Variants in RAD51B observed in about 807,000 individuals in gnomAD.
RAD51B encodes the protein DNA repair protein RAD51 homolog 2.
RAD51B carries 38 observed loss-of-function variants against 42.2 expected under a neutral mutation model. The observed-to-expected ratio is 0.90, with a 90% CI of 0.70 to 1.18. The LOEUF is 1.18. Ranked by LOEUF, RAD51B falls within the 50% of genes most tolerant of loss-of-function variation. The pLI is 0.00. For missense variants in RAD51B, 373 were observed against 400.7 expected, an observed-to-expected ratio of 0.93 and a Z score of 0.59; for synonymous variants, 154 against 145.2, an observed-to-expected ratio of 1.06 and a Z score of -0.43.
chr14:68,637,260 G>A (rs1892359866), intron 10 of RAD51B, among the ~76,000 whole-genome samples: 1 of 152,092 alleles, frequency 6.6e-6, no homozygotes, highest in Non-Finnish European at 1.5e-5. Context: ...TTAATTTTGT[G>A]TAGAGATGGG....
chr14:67,916,305 C>A (rs557448662), intron 7 of RAD51B, among the ~76,000 whole-genome samples: 1 of 151,664 alleles, frequency 6.6e-6, no homozygotes, highest in Non-Finnish European at 1.5e-5. Context: ...TTTTTTGAGA[C>A]TGGTCTCACT....
chr14:67,971,398 A>C (rs1275394143), intron 7 of RAD51B, among the ~76,000 whole-genome samples: 2 of 152,074 alleles, frequency 1.3e-5, no homozygotes, highest in Non-Finnish European at 2.9e-5. Flanking sequence ...ATTCCTCTTA[A>C]ACTTTATAAT....
intron 10 of RAD51B, among the ~76,000 whole-genome samples, chr14:68,582,868 C>A (rs1890273448): frequency 6.6e-6 from 1 of 152,156 alleles, no homozygotes; most frequent in East Asian, 1.9e-4. Context: ...ATGGATGAAG[C>A]TGGAAACCAT....
chr14:68,291,267 C>T (rs796772078), intron 7 of RAD51B, among the ~76,000 whole-genome samples: 11 of 152,006 alleles, frequency 7.2e-5, no homozygotes, highest in African/African-American at 2.7e-4. Context: ...GGTGCAATCT[C>T]GGCTCACCAC....
chr14:67,856,690 A>G (rs2042007894), intron 4 of RAD51B, among the ~76,000 whole-genome samples: 1 of 152,180 alleles, frequency 6.6e-6, no homozygotes, highest in Non-Finnish European at 1.5e-5. Flanking sequence ...ACCAGATTTT[A>G]CATTCCTCTC....
chr14:68,071,890 G>A (rs187030656), intron 7 of RAD51B, among the ~76,000 whole-genome samples: 15 of 150,910 alleles, frequency 9.9e-5, no homozygotes, highest in Non-Finnish European at 2.9e-5. Flanking sequence ...CTGGTCCAGG[G>A]CTTTTTCTGG....
chr14:68,415,805 C>G (rs1184737310), intron 9 of RAD51B, among the ~76,000 whole-genome samples: 1 of 152,198 alleles, frequency 6.6e-6, no homozygotes, highest in Non-Finnish European at 1.5e-5. Context: ...AATTTCTCCT[C>G]AAATCCTCAT....
chr14:68,029,221 G>T (rs1420053671), intron 7 of RAD51B, among the ~76,000 whole-genome samples: 1 of 152,016 alleles, frequency 6.6e-6, no homozygotes, highest in Non-Finnish European at 1.5e-5. Flanking sequence ...AAATTGTGTT[G>T]GTTTACTTGA....
At chr14:68,022,845 C>T (rs956410877) in intron 7 of RAD51B, among the ~76,000 whole-genome samples, 14 of 152,070 alleles carry the variant, frequency 9.2e-5, no homozygotes, top group African/African-American at 2.2e-4. Context: ...CTATTTTCTT[C>T]GTTATGTCCT....
intron 10 of RAD51B, chr14:68,541,686 G>A (rs962910385): frequency 2.5e-5 from 25 of 985,316 alleles, no homozygotes; most frequent in Non-Finnish European, 2.9e-5. Context: ...GCCTGAAGAA[G>A]CCATTCATTT....
chr14:68,358,450 G>C (rs954169014), intron 8 of RAD51B, among the ~76,000 whole-genome samples: 1 of 152,210 alleles, frequency 6.6e-6, no homozygotes, highest in East Asian at 1.9e-4. Flanking sequence ...AAAACTACCT[G>C]TCAGGAATGT....
chr14:67,848,271 C>A (rs2041687955), intron 4 of RAD51B, among the ~76,000 whole-genome samples: 1 of 152,228 alleles, frequency 6.6e-6, no homozygotes, highest in Non-Finnish European at 1.5e-5. Context: ...CCTGCTTTGG[C>A]CTCCCAAAGT....
At chr14:68,384,830 AG>A (rs1315413384) in intron 8 of RAD51B, among the ~76,000 whole-genome samples, 5 of 152,208 alleles carry the variant, frequency 3.3e-5, no homozygotes, top group Non-Finnish European at 7.3e-5. Flanking sequence ...CCAGAACCAG[AG>A]GTATCTCACC....
At chr14:68,553,843 T>C (rs775927568) in intron 10 of RAD51B, among the ~76,000 whole-genome samples, 2 of 152,060 alleles carry the variant, frequency 1.3e-5, no homozygotes, top group Non-Finnish European at 2.9e-5. Context: ...AATAATAAGA[T>C]TGCTATAACA....
chr14:68,295,489 T>C lies in RAD51B; in HGVS notation c.853+3509T>C, dbSNP rs202005616. 6.2e-4 allele frequency among the ~76,000 whole-genome samples: 95 copies of C among 152,240 alleles called. 1 individual carries two copies. In the East Asian group the frequency reaches 0.011, roughly 17 times the overall value. On this transcript the variant is annotated intron_variant, in intron 8 of 10. Coordinates refer to ENST00000471583, the MANE Select transcript of RAD51B (RefSeq NM_133510.4). Reference sequence around the variant, plus strand: ...CCTGACTTCTCCTCCCCCATAGACGTCCCTGCAGCCAGCCAGGGCTCGCTT... The same window carrying C: ...CCTGACTTCTCCTCCCCCATAGACGCCCCTGCAGCCAGCCAGGGCTCGCTT...
chr14:68,438,138 G>A (rs1423027371), intron 9 of RAD51B, among the ~76,000 whole-genome samples: 1 of 152,124 alleles, frequency 6.6e-6, no homozygotes, highest in Non-Finnish European at 1.5e-5. Context: ...CTTCCAGCAA[G>A]CCTGCGACAT....
intron 7 of RAD51B, among the ~76,000 whole-genome samples, chr14:67,955,832 G>A (rs138181309): frequency 4.3e-4 from 66 of 152,338 alleles, no homozygotes; most frequent in African/African-American, 1.6e-3. Flanking sequence ...AGGAACATGT[G>A]AACTGGACGT....
intron 5 of RAD51B, among the ~76,000 whole-genome samples, chr14:67,879,172 C>T (rs1460606918): frequency 6.6e-6 from 1 of 152,230 alleles, no homozygotes; most frequent in Admixed American, 6.5e-5. Flanking sequence ...CTAGAACTCT[C>T]AGGCAAGGGC....
chr14:67,976,308 G>A (rs2074993108), intron 7 of RAD51B, among the ~76,000 whole-genome samples: 1 of 151,688 alleles, frequency 6.6e-6, no homozygotes, highest in Non-Finnish European at 1.5e-5. Context: ...CGTAGTGATG[G>A]GGTCTCCCTA....
Sources: allele counts gnomAD v4.1 joint callset (sites outside exome capture counted in the v4.1 genomes callset), GRCh38; gene constraint gnomAD v4.1.1; transcripts MANE v1.5; gene names NCBI Gene and HGNC (gene_info 2026-07-23, HGNC 2026-07-21).